ALDH1L1: variants seen among roughly 807,000 people sequenced by gnomAD.
ALDH1L1 encodes the protein cytosolic 10-formyltetrahydrofolate dehydrogenase.
ALDH1L1 carries 68 observed loss-of-function variants against 101.1 expected under a neutral mutation model. The ratio of observed to expected loss-of-function variants is 0.67; its 90% CI spans 0.55 to 0.82. ALDH1L1 has a LOEUF of 0.82. Ranked by LOEUF, ALDH1L1 falls within the 40% of genes least tolerant of loss-of-function variation. ALDH1L1 has a pLI of 0.00. For synonymous variants in ALDH1L1, 486 were observed against 470.8 expected (o/e 1.03, Z -0.42); for missense variants, 1,087 against 1,172.7 (o/e 0.93, Z 1.07).
Position 126,135,566 on chromosome 3 carries a change from T to C in ALDH1L1, c.1441A>G (p.Ser481Gly), listed in dbSNP as rs2276724. ...AFENGRWGKI[S>G]ARDRGRLMYR... ...ATCAGCCGGCCCCGGTCCCGCGCAC[T>C]GATCTTCCCCCACCGTCCATTCTCA... Residue 481 changes from serine (S) to glycine (G), a missense_variant, in exon 12 of 23, where the codon AGT becomes GGT. Coordinates refer to ENST00000393434, the MANE Select transcript of ALDH1L1 (RefSeq NM_012190.4). 251,141 of 1,603,936 alleles carry C rather than the reference T, an allele frequency of 0.16. 20,493 individuals are homozygous for C. Among genetic ancestry groups the C allele is most frequent in the East Asian group, 0.24 (10,652 of 43,734 alleles).
intron 17 of ALDH1L1, 51 bp from the exon 18 acceptor site, chr3:126,114,707 G>A: frequency 6.5e-7 from 1 of 1,543,894 alleles, no homozygotes; most frequent in Non-Finnish European, 8.9e-7. Flanking sequence ...GCAGGTAGGG[G>A]CATTGGGACC....
intron 1 of ALDH1L1, among the ~76,000 whole-genome samples, chr3:126,165,761 G>C (rs2081155170): frequency 6.6e-6 from 1 of 152,088 alleles, no homozygotes. Context: ...CTGTGGATTG[G>C]TTGTAATGTC....
intron 20 of ALDH1L1, among the ~76,000 whole-genome samples, chr3:126,107,638 G>C (rs1375770496): frequency 6.6e-6 from 1 of 152,218 alleles, no homozygotes; most frequent in Non-Finnish European, 1.5e-5. Flanking sequence ...AGGCAGCTCT[G>C]CCACTGACCC....
intron 2 of ALDH1L1, among the ~76,000 whole-genome samples, 165 bp downstream of exon 2, chr3:126,160,688 C>G (rs1271522726): frequency 6.6e-6 from 1 of 152,218 alleles, no homozygotes; most frequent in African/African-American, 2.4e-5. Flanking sequence ...GCCCAGCAGC[C>G]TGTTGGCACT....
intron 16 of ALDH1L1, 93 bp from the exon 17 acceptor site, chr3:126,118,191 T>C: frequency 1.0e-6 from 1 of 986,868 alleles, no homozygotes; most frequent in Admixed American, 2.0e-5. Context: ...TCACTGGGGG[T>C]CTGAGGCCCT....
chr3:126,113,954 G>A (rs1946159846), intron 18 of ALDH1L1, among the ~76,000 whole-genome samples: 1 of 152,210 alleles, frequency 6.6e-6, no homozygotes, highest in Admixed American at 6.5e-5. Context: ...TGGGAGCACA[G>A]ACGCCACAGA....
upstream of ALDH1L1, chr3:126,181,152 A>G (rs532523240): frequency 5.5e-6 from 4 of 720,906 alleles, no homozygotes; most frequent in Admixed American, 2.2e-5. Flanking sequence ...CCCCTTCTCC[A>G]CTCTCTCCCT....
At chr3:126,187,561 T>C (rs1253741104) in intron 1 of ALDH1L1, among the ~76,000 whole-genome samples, 1 of 152,052 alleles carries the variant, frequency 6.6e-6, no homozygotes, top group African/African-American at 2.4e-5. Flanking sequence ...AAGGCACACC[T>C]CAGTTTACAG....
At chr3:126,188,632 C>A (rs2081535059) in intron 1 of ALDH1L1, among the ~76,000 whole-genome samples, 1 of 152,174 alleles carries the variant, frequency 6.6e-6, no homozygotes, top group African/African-American at 2.4e-5. Context: ...CACTTACCGT[C>A]ATTTTAGATA....
intron 4 of ALDH1L1, 73 bp from the exon 5 acceptor site, chr3:126,155,576 G>A: frequency 7.3e-7 from 1 of 1,378,646 alleles, no homozygotes; most frequent in Non-Finnish European, 9.9e-7. Flanking sequence ...GGCCCACATT[G>A]AGCCTGGACC....
intron 19 of ALDH1L1, 42 bp downstream of exon 19, chr3:126,112,740 C>A (rs1291848668): frequency 6.3e-7 from 1 of 1,584,974 alleles, no homozygotes; most frequent in East Asian, 2.2e-5. Flanking sequence ...GCGCTGCTGT[C>A]CCAGTGAACC....
chr3:126,113,656 A>G (rs1289602752), intron 18 of ALDH1L1, among the ~76,000 whole-genome samples: 1 of 152,112 alleles, frequency 6.6e-6, no homozygotes, highest in African/African-American at 2.4e-5. Flanking sequence ...TTCTCCACCA[A>G]ATGAGGTTGG....
At chr3:126,117,017 G>T (rs2079983165) in intron 17 of ALDH1L1, among the ~76,000 whole-genome samples, 1 of 151,934 alleles carries the variant, frequency 6.6e-6, no homozygotes. Flanking sequence ...GACTTTTTTT[G>T]ATGGTAGCCA....
At chr3:126,108,411 C>T (rs943102525) in intron 20 of ALDH1L1, among the ~76,000 whole-genome samples, 8 of 152,234 alleles carry the variant, frequency 5.3e-5, no homozygotes, top group African/African-American at 1.4e-4. Flanking sequence ...TGCTGCTCTA[C>T]CCCTTGCTGG....
intron 1 of ALDH1L1, among the ~76,000 whole-genome samples, chr3:126,188,148 A>T (rs917423116): frequency 1.1e-4 from 17 of 152,252 alleles, no homozygotes. Flanking sequence ...TATTTGTGAC[A>T]TGAGTATACA....
At chr3:126,164,715 T>C (rs190942294) in intron 1 of ALDH1L1, among the ~76,000 whole-genome samples, 1 of 152,372 alleles carries the variant, frequency 6.6e-6, no homozygotes, top group East Asian at 1.9e-4. Flanking sequence ...TAATGATCTA[T>C]TTTCCTTTGG....
intron 1 of ALDH1L1, among the ~76,000 whole-genome samples, chr3:126,163,464 A>G (rs1300110690): frequency 1.3e-5 from 2 of 152,184 alleles, no homozygotes; most frequent in Non-Finnish European, 2.9e-5. Flanking sequence ...CAATATATCC[A>G]CTACAATATT....
At chr3:126,184,111 C>T (rs866631347), upstream of ALDH1L1, among the ~76,000 whole-genome samples, 7 of 152,312 alleles carry the variant, frequency 4.6e-5, no homozygotes, top group Middle Eastern at 3.4e-3. Context: ...CGAATCCATC[C>T]TTTCATAGAC....
chr3:126,167,114 A>G (rs959419758), intron 1 of ALDH1L1, among the ~76,000 whole-genome samples: 4 of 152,212 alleles, frequency 2.6e-5, no homozygotes, highest in African/African-American at 9.6e-5. Flanking sequence ...ATTATACTAT[A>G]TAAGCCTATA....
Sources: gnomAD v4.1 joint callset for allele counts (sites outside exome capture counted in the v4.1 genomes callset) on GRCh38, gnomAD v4.1.1 for gene constraint, MANE v1.5 for transcripts, NCBI Gene and HGNC (gene_info 2026-07-23, HGNC 2026-07-21) for gene names.